The following PKLR variants were observed in gnomAD, a reference collection of about 807,000 sequenced individuals.
The protein encoded by PKLR is pyruvate kinase PKLR.
Under a neutral mutation model 53.6 loss-of-function variants are expected in PKLR, and 38 were observed. The observed-to-expected ratio is 0.71, with a 90% CI of 0.55 to 0.93. PKLR has a LOEUF of 0.93. Among genes scored for constraint, PKLR ranks in the 40% least tolerant of loss-of-function variants. PKLR has a pLI of 0.00. For synonymous variants in PKLR, 328 were observed against 316.2 expected (o/e 1.04, Z -0.39); for missense variants, 702 against 787.3 (o/e 0.89, Z 1.30).
chr1:155,293,403 C>A lies in PKLR; in HGVS notation c.1269+35G>T, dbSNP rs1647342532. 1.9e-6 allele frequency: 3 copies of A among 1,614,066 alleles called. No individual in the cohort carries two copies. Among genetic ancestry groups the A allele is most frequent in the African/African-American group, 2.7e-5 (2 of 74,924 alleles). ...ACTGGGGTATGGAAGGGATTTGGTT[C>A]CCTGGCCCATTTGCTTTTCATTCTG... On this transcript the variant is annotated intron_variant, in intron 8 of 10. Transcript: ENST00000342741. The surrounding 1 kb of genome is among the most constrained non-coding windows in gnomAD (Gnocchi z 4.2).
In PKLR at chr1:155,290,576, G is replaced by T; in HGVS notation, c.1721C>A (p.Ser574Tyr). The T allele has an allele frequency of 6.3e-7, 1 of 1,598,990 alleles. No homozygotes were observed. Among genetic ancestry groups the T allele is most frequent in the Non-Finnish European group, 8.6e-7 (1 of 1,166,622 alleles). Residue 574 changes from serine (S) to tyrosine (Y), a missense_variant, in exon 11 of 11, where the codon TCC becomes TAC. Transcript: ENST00000342741. Reference sequence around the variant, plus strand: ...GCCAGAGGAGGGAGGGGCGTCTCAGGATATGCTTAGCACCCGCATGATGTT... The same window carrying T: ...GCCAGAGGAGGGAGGGGCGTCTCAGTATATGCTTAGCACCCGCATGATGTT... ...YTNIMRVLSIS is the reference protein window; with the variant it reads ...YTNIMRVLSIY
chr1:155,299,490 AC>A (rs1647857298), intron 2 of PKLR, among the ~76,000 whole-genome samples: 1 of 38,694 alleles, frequency 2.6e-5, no homozygotes, highest in Non-Finnish European at 5.1e-5. Flanking sequence ...AGCCCAGCCC[AC>A]TTTTTTTTTT....
At position 155,293,644 on chromosome 1, in the gene PKLR, C is replaced by A. The variant is rs985115776; in HGVS notation, c.1117-54G>T. The A allele has an allele frequency of 1.3e-6, 2 of 1,586,964 alleles. No individual in the cohort carries two copies. Among genetic ancestry groups the A allele is most frequent in the Non-Finnish European group, 8.6e-7 (1 of 1,156,852 alleles). ...TAGGACTCACACTGTGACTGGGGACCCTGCCCAAGCTACTTCTCTGACACC... is the reference window on the plus strand; with the variant it reads ...TAGGACTCACACTGTGACTGGGGACACTGCCCAAGCTACTTCTCTGACACC... On this transcript the variant is annotated intron_variant, in intron 7 of 10. Transcript: ENST00000342741. The surrounding 1 kb of genome is among the most constrained non-coding windows in gnomAD (Gnocchi z 4.2).
rs1174842616 is a variant in PKLR, at chr1:155,289,845, C to G, written c.*727G>C. On this transcript the variant is annotated 3_prime_UTR_variant, in exon 11 of 11. Transcript: ENST00000342741. ...TGGGTTTAAATATAAAATAGACACA[C>G]TCATTTTTGGCTCTTGGTTTGTGTG... 2 of 152,328 alleles carry G rather than the reference C, an allele frequency of 1.3e-5. No individual in the cohort carries two copies. Among genetic ancestry groups the G allele is most frequent in the Admixed American group, 1.3e-4 (2 of 15,262 alleles). The allele number at this position is 152,328 out of a possible 1,614,324, so 9.4% of individuals were successfully genotyped here.
chr1:155,301,737 C>T (rs1196112590), upstream of PKLR, among the ~76,000 whole-genome samples: 83 of 152,108 alleles, frequency 5.5e-4, 1 homozygote, highest in Admixed American at 5.4e-3. Context: ...TAGGGTGGGG[C>T]TGGAGCCTGA....
intron 2 of PKLR, among the ~76,000 whole-genome samples, chr1:155,297,577 C>T (rs1041067355): frequency 1.3e-5 from 2 of 152,300 alleles, no homozygotes; most frequent in East Asian, 3.9e-4. Flanking sequence ...CCCTTCCCCC[C>T]ACCCCCCATC....
chr1:155,290,654 A>T lies in PKLR; in HGVS notation c.1643T>A (p.Val548Asp). The T allele has an allele frequency of 6.2e-7, 1 of 1,612,736 alleles. No individual in the cohort carries two copies. The change falls in exon 11 of 11, where the codon GTT becomes GAT. Residue 548 changes from valine to aspartate, a missense_variant. Physicochemically the swap from Val to Asp is radical, Grantham distance 152. Around this residue, in one of 2 missense-constraint regions of PKLR, gnomAD observed 183 missense variants for 250.2 expected, o/e 0.73. Transcript: ENST00000342741. ...ESGKLRGFLR[V>D]GDLVIVVTGW... is the part of the protein sequence containing the mutation. Reference sequence around the variant, plus strand: ...TGTCACCACAATCACCAGGTCTCCAACACGGAGGAAGCCACGGAGCTTTCC... The same window carrying T: ...TGTCACCACAATCACCAGGTCTCCATCACGGAGGAAGCCACGGAGCTTTCC...
At chr1:155,291,718 A>G in intron 10 of PKLR, 38 bp downstream of exon 10, 1 of 1,597,180 alleles carries the variant, frequency 6.3e-7, no homozygotes, top group Non-Finnish European at 8.6e-7. Flanking sequence ...CTCCTGATAC[A>G]AATGGTAGGA....
chr1:155,293,057 CCTCTT>C lies in PKLR; in HGVS notation c.1436+115_1436+119del. The C allele has an allele frequency of 9.7e-7, 1 of 1,035,626 alleles. No individual in the cohort carries two copies. Among genetic ancestry groups the C allele is most frequent in the Non-Finnish European group, 1.5e-6 (1 of 659,812 alleles). The allele number at this position is 1,035,626 out of a possible 1,614,324, so 64.2% of individuals were successfully genotyped here. On this transcript the variant is annotated intron_variant, in intron 9 of 10. Coordinates refer to ENST00000342741, the MANE Select transcript of PKLR (RefSeq NM_000298.6). The surrounding 1 kb of genome is among the most constrained non-coding windows in gnomAD (Gnocchi z 4.2). ...GCCTCCAGCTGTCATTGCTGCCTCT[CCTCTT>C]GTCTCAGGTGGACACTCTTCACCCC...
intron 2 of PKLR, among the ~76,000 whole-genome samples, chr1:155,298,569 C>T (rs982497974): frequency 7.0e-5 from 10 of 142,656 alleles, no homozygotes; most frequent in Middle Eastern, 4.3e-3. Flanking sequence ...TCAGGTGATC[C>T]GCCCGCCTCG....
intron 2 of PKLR, among the ~76,000 whole-genome samples, chr1:155,298,912 G>A (rs948499547): frequency 2.6e-5 from 4 of 152,084 alleles, no homozygotes; most frequent in Non-Finnish European, 5.9e-5. Context: ...CAAAGTGCTG[G>A]GATTATAGGC....
At position 155,295,234 on chromosome 1, in the gene PKLR, C is replaced by A; in HGVS notation, c.576G>T (p.Arg192=). The A allele has an allele frequency of 6.2e-7, 1 of 1,613,982 alleles. No homozygotes were observed. The highest frequency in any genetic ancestry group is 8.5e-7 in the Non-Finnish European group (1 of 1,179,884). The change falls in exon 5 of 11, where the codon CGG becomes CGT. Residue 192 remains arginine (R), a synonymous_variant. Coordinates refer to ENST00000342741, the MANE Select transcript of PKLR (RefSeq NM_000298.6). This position sits in a 1 kb window ranked among gnomAD's most constrained non-coding sequence, Gnocchi z 4.3. ...ACACGGTGTTCGCGTTCCCCCGCGT[C>A]CGGAACGCGGGGTCCACAGTCACCA... ...QVLVTVDPAF[R]TRGNANTVWV...
In PKLR at chr1:155,294,186, G is replaced by A. The variant is rs1255617372; in HGVS notation, c.1116+49C>T. On this transcript the variant is annotated intron_variant, in intron 7 of 10. Transcript: ENST00000342741. ...CTACAGTGTGGGTATTCACCCACAG[G>A]TGTCCCTAAAACCCACAGAGTGCCG... 3.8e-6 allele frequency: 6 copies of A among 1,594,298 alleles called. No individual in the cohort carries two copies. In the Admixed American group the frequency reaches 1.0e-4, roughly 27 times the overall value.
At chr1:155,291,291 A>G (rs899953608) in intron 10 of PKLR, among the ~76,000 whole-genome samples, 3 of 151,382 alleles carry the variant, frequency 2.0e-5, no homozygotes, top group African/African-American at 7.3e-5. Flanking sequence ...TGGTCAAGAC[A>G]TTGAGACCAT....
At chr1:155,296,423 A>AC (rs1326605152) in intron 2 of PKLR, among the ~76,000 whole-genome samples, 1 of 151,878 alleles carries the variant, frequency 6.6e-6, no homozygotes, top group Non-Finnish European at 1.5e-5. Context: ...GCTCACTGCA[A>AC]CCTCTGCCTC....
At chr1:155,299,072 CTTTCT>C (rs1647825662) in intron 2 of PKLR, among the ~76,000 whole-genome samples, 4 of 144,582 alleles carry the variant, frequency 2.8e-5, no homozygotes, top group Admixed American at 1.4e-4. Flanking sequence ...TTCCTTCCTT[CTTTCT>C]TTTCTTTCTT....
rs758524517 is a variant in PKLR, at chr1:155,295,392, C to T, written c.507+45G>A. The T allele has an allele frequency of 4.0e-5, 65 of 1,612,570 alleles. No homozygotes were observed. The South Asian group carries it at 5.9e-4, about 15-fold the overall frequency. ...CGCCTGGGCCCAACCCTACAGGCGC[C>T]GCCTTTCCGGCCCTGGCCCAGCGAG... On this transcript the variant is annotated intron_variant, in intron 4 of 10. Transcript: ENST00000342741. The surrounding 1 kb of genome is among the most constrained non-coding windows in gnomAD (Gnocchi z 4.3).
intron 2 of PKLR, among the ~76,000 whole-genome samples, chr1:155,298,625 C>G (rs529929638): frequency 6.7e-6 from 1 of 149,182 alleles, no homozygotes; most frequent in South Asian, 2.1e-4. Context: ...CCGCGCCCAG[C>G]TTTTTTTTCT....
intron 2 of PKLR, among the ~76,000 whole-genome samples, chr1:155,296,891 A>C (rs1647631468): frequency 6.6e-6 from 1 of 151,484 alleles, no homozygotes; most frequent in Non-Finnish European, 1.5e-5. Flanking sequence ...TGTTCTTGTC[A>C]AGGTCACCAA....
Sources: gnomAD v4.1 joint callset for allele counts (sites outside exome capture counted in the v4.1 genomes callset) on GRCh38, gnomAD v4.1.1 for gene constraint, gnomAD v4.1.1 regional missense constraint, Gnocchi (gnomAD v3.1) non-coding constraint, MANE v1.5 for transcripts, NCBI Gene and HGNC (gene_info 2026-07-23, HGNC 2026-07-21) for gene names.